The following TTC7B variants were observed in gnomAD, a reference collection of about 807,000 sequenced individuals.
TTC7B encodes the protein tetratricopeptide repeat domain 7B.
TTC7B carries 28 observed loss-of-function variants against 106.8 expected under a neutral mutation model. The observed-to-expected ratio is 0.26, with a 90% CI of 0.19 to 0.36. TTC7B has a LOEUF of 0.36. Ranked by LOEUF, TTC7B falls within the 10% of genes least tolerant of loss-of-function variation. The pLI, the probability that TTC7B is intolerant of heterozygous loss-of-function variation, is 1.00. For synonymous variants in TTC7B, 405 were observed against 430.6 expected (o/e 0.94, Z 0.74); for missense variants, 862 against 1,076.4 (o/e 0.80, Z 2.79).
At chr14:90,659,643 C>T (rs967954047) in intron 9 of TTC7B, among the ~76,000 whole-genome samples, 21 of 152,048 alleles carry the variant, frequency 1.4e-4, no homozygotes, top group African/African-American at 4.1e-4. Flanking sequence ...CCAGCGGCAA[C>T]GGAGGCCAAG....
At position 90,626,621 on chromosome 14, in the gene TTC7B, G is replaced by A. The variant is rs74428741; in HGVS notation, c.1752-8576C>T. ...AATGTCTTCCAAAACAGGCAAGTGCGATGACCAGAAGTTCAGCAAATTCAA... is the reference window on the plus strand; with the variant it reads ...AATGTCTTCCAAAACAGGCAAGTGCAATGACCAGAAGTTCAGCAAATTCAA... On this transcript the variant is annotated intron_variant, in intron 15 of 19. Coordinates refer to ENST00000328459, the MANE Select transcript of TTC7B (RefSeq NM_001010854.2). Among the ~76,000 whole-genome samples, 17 of 152,362 alleles carry A rather than the reference G, an allele frequency of 1.1e-4. No homozygotes were observed. In the East Asian group the frequency reaches 1.2e-3, roughly 10 times the overall value.
intron 15 of TTC7B, among the ~76,000 whole-genome samples, chr14:90,639,271 C>T (rs1462130250): frequency 1.3e-5 from 2 of 152,128 alleles, no homozygotes; most frequent in Non-Finnish European, 2.9e-5. Context: ...AAAACAAAAT[C>T]ACAGCTTGGG....
chr14:90,803,201 C>A (rs906226109), intron 1 of TTC7B, among the ~76,000 whole-genome samples: 3 of 152,014 alleles, frequency 2.0e-5, no homozygotes, highest in Non-Finnish European at 4.4e-5. Flanking sequence ...CACCCCTCCC[C>A]TCTAAACCCT....
chr14:90,629,213 T>C (rs920367352), intron 15 of TTC7B, among the ~76,000 whole-genome samples: 1 of 151,964 alleles, frequency 6.6e-6, no homozygotes, highest in Non-Finnish European at 1.5e-5. Context: ...TTGGAGATTC[T>C]CTCATTTCTC....
chr14:90,552,079 A>C (rs2139773165), intron 19 of TTC7B, among the ~76,000 whole-genome samples: 1 of 152,358 alleles, frequency 6.6e-6, no homozygotes, highest in African/African-American at 2.4e-5. Context: ...GACACCAGCC[A>C]GAAGGCTGGC....
intron 3 of TTC7B, among the ~76,000 whole-genome samples, chr14:90,780,239 G>A (rs1350814205): frequency 6.6e-6 from 1 of 152,006 alleles, no homozygotes; most frequent in Non-Finnish European, 1.5e-5. Flanking sequence ...AAATTAGCTG[G>A]GTGTGGTGGC....
intron 5 of TTC7B, among the ~76,000 whole-genome samples, chr14:90,709,586 A>C (rs1309269907): frequency 1.3e-5 from 2 of 151,172 alleles, no homozygotes; most frequent in African/African-American, 4.9e-5. Context: ...ACCTAATGCT[A>C]AATGACGAGT....
At chr14:90,686,510 A>T (rs1887257335) in intron 7 of TTC7B, among the ~76,000 whole-genome samples, 1 of 152,234 alleles carries the variant, frequency 6.6e-6, no homozygotes. Context: ...AAATGCATCT[A>T]GGTTAGAAAG....
chr14:90,680,370 T>C lies in TTC7B; in HGVS notation c.1014+102A>G, dbSNP rs867982912. 4 of 884,752 alleles carry C rather than the reference T, an allele frequency of 4.5e-6. 1 individual carries two copies. In the Middle Eastern group the frequency reaches 8.9e-4, roughly 196 times the overall value. 54.8% of individuals were successfully genotyped at this position (884,752 alleles called of 1,614,324 possible). A position where few individuals can be genotyped will look rare whatever the true frequency, so the allele number is the denominator to read the frequency against. On this transcript the variant is annotated intron_variant, in intron 8 of 19. Transcript: ENST00000328459. ...TCCAGGTATACCCTCTAGAAAGTAT[T>C]TTCTCTTAAGAAAAAGAGTCATGAT... is the stretch of plus-strand genomic sequence containing the variant.
chr14:90,733,282 A>G (rs10133270), intron 4 of TTC7B, among the ~76,000 whole-genome samples: 22,126 of 151,440 alleles, frequency 0.15, 2,475 homozygotes, highest in African/African-American at 0.32. Context: ...CTGCTCCACC[A>G]AGTGAGGTGC....
chr14:90,598,265 C>G (rs534350019), intron 17 of TTC7B, among the ~76,000 whole-genome samples: 1 of 152,208 alleles, frequency 6.6e-6, no homozygotes. Context: ...TCAAACGGCC[C>G]GAATGGTGCA....
intron 1 of TTC7B, among the ~76,000 whole-genome samples, chr14:90,801,339 A>C (rs1324753588): frequency 1.3e-5 from 2 of 152,056 alleles, no homozygotes; most frequent in Non-Finnish European, 2.9e-5. Context: ...GAAACCACTG[A>C]CACTTGAACT....
At chr14:90,713,607 C>A (rs185437539) in intron 5 of TTC7B, among the ~76,000 whole-genome samples, 2 of 152,200 alleles carry the variant, frequency 1.3e-5, no homozygotes, top group African/African-American at 4.8e-5. Flanking sequence ...CCGGCAGGAA[C>A]GTAAAATGGT....
At chr14:90,629,748 G>A (rs1884608485) in intron 15 of TTC7B, among the ~76,000 whole-genome samples, 1 of 152,218 alleles carries the variant, frequency 6.6e-6, no homozygotes, top group East Asian at 1.9e-4. Context: ...CGCGGGGAGT[G>A]GCTTTGGTGT....
chr14:90,660,982 G>C (rs562981636), intron 9 of TTC7B, among the ~76,000 whole-genome samples: 5 of 152,344 alleles, frequency 3.3e-5, no homozygotes, highest in African/African-American at 1.2e-4. Flanking sequence ...GACATCGGCA[G>C]GAGTGGCTGG....
intron 3 of TTC7B, among the ~76,000 whole-genome samples, chr14:90,775,067 C>T (rs1470225012): frequency 2.6e-5 from 4 of 151,718 alleles, no homozygotes; most frequent in East Asian, 1.9e-4. Flanking sequence ...AAATTCTCCC[C>T]GTAAATGTAG....
Position 90,647,009 on chromosome 14 carries a change from G to A in TTC7B, c.1532C>T (p.Ser511Leu), listed in dbSNP as rs185196336. The change falls in exon 14 of 20, where the codon TCA (serine) becomes TTA (leucine). Residue 511 changes from serine to leucine, a missense_variant. Physicochemically the swap from Ser to Leu is moderately radical, Grantham distance 145. Transcript: ENST00000328459. ...LLAFQRAHSL[S>L]PTDHQAAFYL... is the part of the protein sequence containing the mutation. Reference sequence around the variant, plus strand: ...GAAAGCTGCTTGGTGATCTGTGGGTGACAGGCTGTGGGCCCTGAAAAAGTA... The same window carrying A: ...GAAAGCTGCTTGGTGATCTGTGGGTAACAGGCTGTGGGCCCTGAAAAAGTA... The A allele has an allele frequency of 4.2e-5, 68 of 1,614,178 alleles. No individual in the cohort carries two copies. The Admixed American group carries it at 8.3e-4, about 20-fold the overall frequency.
At chr14:90,786,042 C>A in intron 2 of TTC7B, 132 bp downstream of exon 2, 1 of 1,105,814 alleles carries the variant, frequency 9.0e-7, no homozygotes. Context: ...TGGGAGCTGG[C>A]CCGCTTCTAA....
chr14:90,657,136 T>A lies in TTC7B; in HGVS notation c.1341+38A>T, dbSNP rs770078548. On this transcript the variant is annotated intron_variant, in intron 11 of 19. Transcript: ENST00000328459. The surrounding 1 kb of genome is among the most constrained non-coding windows in gnomAD (Gnocchi z 4.2). ...AAAAATGGGCAGTCCTGGCCCAGAG[T>A]CCTCTGCAGGAGCGGGGAGGGGGGC... 1 of 1,568,372 alleles carries A rather than the reference T, an allele frequency of 6.4e-7. No homozygotes were observed. The highest frequency in any genetic ancestry group is 8.8e-7 in the Non-Finnish European group (1 of 1,141,310).
Sources: gnomAD v4.1 joint callset for allele counts (sites outside exome capture counted in the v4.1 genomes callset) on GRCh38, gnomAD v4.1.1 for gene constraint, Gnocchi (gnomAD v3.1) non-coding constraint, MANE v1.5 for transcripts, NCBI Gene and HGNC (gene_info 2026-07-23, HGNC 2026-07-21) for gene names.